Variants in ARG1 observed in about 807,000 individuals in gnomAD.
The protein encoded by ARG1 is arginase 1.
A neutral mutation model predicts 33.0 loss-of-function variants in ARG1; 20 were observed. The observed-to-expected ratio is 0.61, with a 90% confidence interval of 0.43 to 0.88. The LOEUF is 0.88. Ranked by LOEUF, ARG1 falls within the 40% of genes least tolerant of loss-of-function variation. ARG1 has a pLI of 0.00. For synonymous variants in ARG1, 146 were observed against 140.6 expected, an observed-to-expected ratio of 1.04 and a Z score of -0.27; for missense variants, 374 against 384.7, an observed-to-expected ratio of 0.97 and a Z score of 0.23.
At chr6:131,574,776 T>G (rs1259272008) in intron 1 of ARG1, among the ~76,000 whole-genome samples, 1 of 152,184 alleles carries the variant, frequency 6.6e-6, no homozygotes, top group Non-Finnish European at 1.5e-5. Flanking sequence ...CTGTCTCACC[T>G]CCTTGAAAGG....
chr6:131,574,310 G>C, intron 1 of ARG1: 1 of 1,613,872 alleles, frequency 6.2e-7, no homozygotes, highest in South Asian at 1.1e-5. Flanking sequence ...AAAACAAATT[G>C]AGAGAGGCCA....
Position 131,579,329 on chromosome 6 carries a change from A to AGT in ARG1, c.305+45_305+46dup, listed in dbSNP as rs111885649. On this transcript the variant is annotated intron_variant, in intron 3 of 7. Transcript: ENST00000368087. ...GTCTATGGGAATCTGGCACAAAGGA[A>AGT]GTAACCAAGGCCATAAGAAGAGAGA... 3.9e-3 allele frequency: 6,192 copies of AGT among 1,603,044 alleles called. 181 individuals are homozygous for AGT. The African/African-American group carries it at 0.068, about 18-fold the overall frequency.
At chr6:131,579,828 A>ATG (rs1773823988) in intron 3 of ARG1, among the ~76,000 whole-genome samples, 2 of 151,118 alleles carry the variant, frequency 1.3e-5, no homozygotes, top group Admixed American at 6.6e-5. Context: ...ACTTTGTTTA[A>ATG]CGTGTGTGTG....
At position 131,583,636 on chromosome 6, in the gene ARG1, C is replaced by T. The variant is rs1283974273; in HGVS notation, c.803-106C>T. The T allele has an allele frequency of 1.6e-5, 24 of 1,514,532 alleles. No homozygotes were observed. The African/African-American group carries it at 1.8e-4, about 11-fold the overall frequency. The allele number at this position is 1,514,532 out of a possible 1,614,324, so 93.8% of individuals were successfully genotyped here. ...ATGCAATAACTAAAGTGTTTTCCAT[C>T]GGTTACTACCTTTTTCTGTTAGTGG... On this transcript the variant is annotated intron_variant, in intron 7 of 7. Coordinates refer to ENST00000368087, the MANE Select transcript of ARG1 (RefSeq NM_000045.4).
chr6:131,583,089 A>G lies in ARG1; in HGVS notation c.590A>G (p.Tyr197Cys), dbSNP rs1299638170. The G allele has an allele frequency of 6.2e-7, 1 of 1,613,824 alleles. No homozygotes were observed. Among genetic ancestry groups the G allele is most frequent in the Admixed American group, 1.7e-5 (1 of 60,012 alleles). Residue 197 changes from tyrosine to cysteine, a missense_variant, in exon 6 of 8, where the codon TAC (tyrosine) becomes TGC (cysteine). Coordinates refer to ENST00000368087, the MANE Select transcript of ARG1 (RefSeq NM_000045.4). ...HYILKTLGIK[Y>C]FSMTEVDRLG... Reference sequence around the variant, plus strand: ...ATTTTGAAAACTCTAGGCATTAAATACTTTTCAATGACTGAAGTGGACAGA... The same window carrying G: ...ATTTTGAAAACTCTAGGCATTAAATGCTTTTCAATGACTGAAGTGGACAGA...
chr6:131,577,869 AC>A (rs1773698767), intron 2 of ARG1, among the ~76,000 whole-genome samples: 1 of 149,488 alleles, frequency 6.7e-6, no homozygotes, highest in African/African-American at 2.5e-5. Flanking sequence ...GCGCCACTGC[AC>A]CCCAACCTGG....
At chr6:131,574,176 C>A in intron 1 of ARG1, 1 of 1,280,252 alleles carries the variant, frequency 7.8e-7, no homozygotes, top group South Asian at 1.2e-5. Context: ...AGAACAAAAT[C>A]AAACAAGACA....
At chr6:131,579,367 A>T (rs942247998) in intron 3 of ARG1, 82 bp downstream of exon 3, 15 of 1,501,948 alleles carry the variant, frequency 1.0e-5, no homozygotes, top group Non-Finnish European at 1.4e-5. Flanking sequence ...ATTTAGAAAT[A>T]TAGACAGAAA....
intron 2 of ARG1, among the ~76,000 whole-genome samples, chr6:131,578,061 G>A (rs1214384351): frequency 1.3e-5 from 2 of 151,992 alleles, no homozygotes; most frequent in Non-Finnish European, 2.9e-5. Flanking sequence ...AAGCAGATCA[G>A]CAGTTCCTGG....
intron 3 of ARG1, among the ~76,000 whole-genome samples, chr6:131,580,011 G>A (rs776606425): frequency 6.6e-6 from 1 of 152,040 alleles, no homozygotes; most frequent in African/African-American, 2.4e-5. Flanking sequence ...CGCTATATAC[G>A]TACATATTGC....
intron 5 of ARG1, 96 bp downstream of exon 5, chr6:131,582,811 C>A: frequency 3.0e-6 from 3 of 996,444 alleles, no homozygotes; most frequent in Non-Finnish European, 4.8e-6. Flanking sequence ...AATTAAACAT[C>A]AAGACACACA....
At chr6:131,574,264 T>C in intron 1 of ARG1, 1 of 1,613,950 alleles carries the variant, frequency 6.2e-7, no homozygotes, top group South Asian at 1.1e-5. Flanking sequence ...TCCTCTTAAT[T>C]TGGAACCCTT....
At chr6:131,583,225 CAA>C (rs961643668) in intron 6 of ARG1, 61 bp downstream of exon 6, 3 of 1,597,154 alleles carry the variant, frequency 1.9e-6, no homozygotes, top group Admixed American at 1.7e-5. Context: ...TACTGACAAC[CAA>C]AGTTATTAAT....
rs1459752618 is a variant in ARG1, at chr6:131,579,230, G to C, written c.250G>C (p.Val84Leu). 1 of 1,614,016 alleles carries C rather than the reference G, an allele frequency of 6.2e-7. No homozygotes were observed. Among genetic ancestry groups the C allele is most frequent in the Non-Finnish European group, 8.5e-7 (1 of 1,180,036 alleles). Residue 84 changes from valine to leucine, a missense_variant, in exon 3 of 8, where the codon GTG becomes CTG. By Grantham distance (32) the Val-to-Leu change is conservative. Transcript: ENST00000368087. Reference sequence around the variant, plus strand: ...AGCAAGCGAGCAGCTGGCTGGCAAGGTGGCAGAAGTCAAGAAGAACGGAAG... The same window carrying C: ...AGCAAGCGAGCAGCTGGCTGGCAAGCTGGCAGAAGTCAAGAAGAACGGAAG... ...GKASEQLAGK[V>L]AEVKKNGRIS...
intron 2 of ARG1, 112 bp from the exon 3 acceptor site, chr6:131,578,999 C>G: frequency 7.9e-7 from 1 of 1,266,250 alleles, no homozygotes. Context: ...TCAGGTTTTT[C>G]CTTTGCTTAT....
At chr6:131,580,744 C>T (rs1585417820) in intron 3 of ARG1, among the ~76,000 whole-genome samples, 1 of 146,494 alleles carries the variant, frequency 6.8e-6, no homozygotes, top group Admixed American at 6.7e-5. Context: ...CTGAGTGATG[C>T]TCTCAAATTA....
intron 2 of ARG1, among the ~76,000 whole-genome samples, chr6:131,577,459 T>G (rs573845720): frequency 1.3e-5 from 2 of 152,288 alleles, no homozygotes; most frequent in South Asian, 4.1e-4. Context: ...TGTTTTCATT[T>G]CTCTTGGGTA....
rs1773911841 is a variant in ARG1 at position 131,581,301 on chromosome 6, A to C, written c.388A>C (p.Asn130His). 1.2e-6 allele frequency: 2 copies of C among 1,613,780 alleles called. No homozygotes were observed. The highest frequency in any genetic ancestry group is 2.7e-5 in the African/African-American group (2 of 74,912). The change falls in exon 4 of 8, where the codon AAC (asparagine) becomes CAC (histidine). Residue 130 changes from asparagine to histidine, a missense_variant. Coordinates refer to ENST00000368087, the MANE Select transcript of ARG1 (RefSeq NM_000045.4). ...CTGGGTGGATGCTCACACTGATATC[A>C]ACACTCCACTGACAACCACAAGTGG... ...VIWVDAHTDI[N>H]TPLTTTSGNL...
rs142107090 is a variant in ARG1, at chr6:131,579,221, G to T, written c.241G>T (p.Ala81Ser). The change falls in exon 3 of 8, where the codon GCT becomes TCT. Residue 81 changes from alanine to serine, a missense_variant. By Grantham distance (99) the Ala-to-Ser change is moderately conservative. Transcript: ENST00000368087. ...RSVGKASEQL[A>S]GKVAEVKKNG... ...TGTGGGAAAAGCAAGCGAGCAGCTG[G>T]CTGGCAAGGTGGCAGAAGTCAAGAA... The T allele has an allele frequency of 8.7e-6, 14 of 1,614,050 alleles. No homozygotes were observed. Among genetic ancestry groups the T allele is most frequent in the Non-Finnish European group, 1.2e-5 (14 of 1,180,042 alleles).
Sources: allele counts gnomAD v4.1 joint callset (sites outside exome capture counted in the v4.1 genomes callset), GRCh38; gene constraint gnomAD v4.1.1; transcripts MANE v1.5; gene names NCBI Gene and HGNC (gene_info 2026-07-23, HGNC 2026-07-21).